The following ZNF516 variants were observed in gnomAD, a reference collection of about 807,000 sequenced individuals.
ZNF516 encodes the protein zinc finger protein 516.
ZNF516 carries 19 observed loss-of-function variants against 79.7 expected under a neutral mutation model. That is an observed-to-expected ratio of 0.24 (90% CI 0.17 to 0.35). The LOEUF (loss-of-function observed/expected upper bound fraction) is 0.35, where lower values mean the gene tolerates loss of function less well. Among genes scored for constraint, ZNF516 ranks in the 10% least tolerant of loss-of-function variants. ZNF516 has a pLI of 1.00. For missense variants in ZNF516, 1,678 were observed against 1,679.5 expected, an observed-to-expected ratio of 1.00 and a Z score of 0.02; for synonymous variants, 877 against 739.5, an observed-to-expected ratio of 1.19 and a Z score of -3.02.
In ZNF516 at chr18:76,495,228, G is replaced by A. The variant is rs927424050; in HGVS notation, c.-356C>T. Reference sequence around the variant, plus strand: ...TGAAGCCGAGCGCCCGCGGCGCGGAGCCGAGCGCTGCACTAGACCGACCGC... The same window carrying A: ...TGAAGCCGAGCGCCCGCGGCGCGGAACCGAGCGCTGCACTAGACCGACCGC... On this transcript the variant is annotated 5_prime_UTR_variant, in exon 1 of 7. Transcript: ENST00000443185. 1.4e-5 allele frequency: 2 copies of A among 147,360 alleles called. No individual in the cohort carries two copies. The highest frequency in any genetic ancestry group is 2.5e-5 in the African/African-American group (1 of 40,788). 9.1% of individuals were successfully genotyped at this position (147,360 alleles called of 1,614,324 possible).
At chr18:76,389,989 A>C (rs140352778) in intron 3 of ZNF516, among the ~76,000 whole-genome samples, 2 of 152,322 alleles carry the variant, frequency 1.3e-5, no homozygotes, top group African/African-American at 4.8e-5. Flanking sequence ...GTTCACGCTT[A>C]TTATAGCAAT....
At chr18:76,422,316 G>A (rs1469362134) in intron 3 of ZNF516, among the ~76,000 whole-genome samples, 2 of 152,218 alleles carry the variant, frequency 1.3e-5, no homozygotes, top group African/African-American at 2.4e-5. Context: ...CCTGCACTGC[G>A]GCAGTAAGAA....
intron 3 of ZNF516, among the ~76,000 whole-genome samples, chr18:76,407,336 G>A (rs576592423): frequency 6.6e-6 from 1 of 152,144 alleles, no homozygotes; most frequent in Admixed American, 6.5e-5. Context: ...GAGGTGAGAG[G>A]AACCCTTGAG....
intron 3 of ZNF516, among the ~76,000 whole-genome samples, chr18:76,436,994 G>C (rs1223099768): frequency 6.6e-6 from 1 of 151,924 alleles, no homozygotes; most frequent in African/African-American, 2.4e-5. Flanking sequence ...TTGAGCCCGG[G>C]AGGCGGAGGT....
intron 3 of ZNF516, 105 bp from the exon 4 acceptor site, chr18:76,380,408 G>A: frequency 6.9e-7 from 1 of 1,444,048 alleles, no homozygotes; most frequent in East Asian, 2.4e-5. Context: ...TCTGTCTTCA[G>A]CGGGAGAAGC....
intron 4 of ZNF516, chr18:76,373,043 A>T (rs190646722): frequency 5.2e-5 from 8 of 152,652 alleles, no homozygotes; most frequent in African/African-American, 1.9e-4. Context: ...CTAGCTACTC[A>T]GGAGGCTGAG....
chr18:76,434,462 G>C (rs899161817), intron 3 of ZNF516, among the ~76,000 whole-genome samples: 1 of 152,192 alleles, frequency 6.6e-6, no homozygotes, highest in South Asian at 2.1e-4. Flanking sequence ...CATCCAATAA[G>C]AATCTGTAAA....
intron 6 of ZNF516, among the ~76,000 whole-genome samples, chr18:76,366,979 T>C (rs180827534): frequency 4.6e-5 from 7 of 152,352 alleles, no homozygotes. Flanking sequence ...TGTTGACAGC[T>C]ATTAGATACA....
At position 76,362,565 on chromosome 18, in the gene ZNF516, A is replaced by T. The variant is rs754488687; in HGVS notation, c.3433-8T>A. ...GTTAGAATGGTCTCTCCCCTGGGTG[A>T]GAAAAAGGAAAGAACAGGAGAAAAG... On this transcript the variant is annotated splice_polypyrimidine_tract_variant and splice_region_variant and intron_variant, in intron 6 of 6. Transcript: ENST00000443185. 6.2e-7 allele frequency: 1 copy of T among 1,606,812 alleles called. No individual in the cohort carries two copies.
chr18:76,363,123 C>T (rs761305973), intron 6 of ZNF516, among the ~76,000 whole-genome samples: 16 of 152,156 alleles, frequency 1.1e-4, no homozygotes, highest in Non-Finnish European at 1.6e-4. Context: ...AAGTGAACTG[C>T]GAGAGAAAAC....
At chr18:76,492,350 C>T in intron 1 of ZNF516, 2 of 985,420 alleles carry the variant, frequency 2.0e-6, no homozygotes, top group Non-Finnish European at 2.4e-6. Flanking sequence ...CAGCTGCAAG[C>T]GTGGGGTGGC....
At chr18:76,417,617 G>A (rs1161109729) in intron 3 of ZNF516, among the ~76,000 whole-genome samples, 1 of 152,104 alleles carries the variant, frequency 6.6e-6, no homozygotes, top group Non-Finnish European at 1.5e-5. Context: ...TGAAAGCCAA[G>A]AAGTAATAAA....
chr18:76,405,018 C>A (rs1404343128), intron 3 of ZNF516, among the ~76,000 whole-genome samples: 1 of 152,178 alleles, frequency 6.6e-6, no homozygotes, highest in Non-Finnish European at 1.5e-5. Context: ...CAGTACCCTG[C>A]CCTTTGCTCC....
chr18:76,454,030 CCT>C, intron 2 of ZNF516, among the ~76,000 whole-genome samples: 1 of 152,306 alleles, frequency 6.6e-6, no homozygotes, highest in East Asian at 1.9e-4. Flanking sequence ...TTCTCTTGTC[CCT>C]CTGTGCTTTT....
intron 1 of ZNF516, among the ~76,000 whole-genome samples, chr18:76,494,636 T>G (rs1888646474): frequency 1.3e-5 from 2 of 151,894 alleles, no homozygotes; most frequent in South Asian, 4.2e-4. Flanking sequence ...CAGGCATCGA[T>G]CCCATCCGCC....
At chr18:76,470,424 GC>G (rs926263767) in intron 1 of ZNF516, among the ~76,000 whole-genome samples, 4 of 152,240 alleles carry the variant, frequency 2.6e-5, no homozygotes, top group Admixed American at 2.6e-4. Flanking sequence ...GAAATTCCAA[GC>G]TGAAGTGATC....
In ZNF516 at chr18:76,428,896, G is replaced by C. The variant is rs1301988663; in HGVS notation, c.1810+12349C>G. 2.0e-5 allele frequency among the ~76,000 whole-genome samples: 3 copies of C among 152,352 alleles called. No individual in the cohort carries two copies. In the East Asian group the frequency reaches 5.8e-4, roughly 29 times the overall value. On this transcript the variant is annotated intron_variant, in intron 3 of 6. Transcript: ENST00000443185. ...AGGATGAGCAGAACTCTAAAACCAG[G>C]AGCCTAGCATGGGTCTAGCCCAGGA...
chr18:76,370,379 G>A (rs748330071), intron 6 of ZNF516, 149 bp downstream of exon 6: 14 of 763,606 alleles, frequency 1.8e-5, no homozygotes, highest in Non-Finnish European at 2.8e-5. Context: ...GGCCCCGAAG[G>A]GTCAGGTTCC....
chr18:76,364,460 A>T (rs557087837), intron 6 of ZNF516, among the ~76,000 whole-genome samples: 1 of 152,322 alleles, frequency 6.6e-6, no homozygotes, highest in South Asian at 2.1e-4. Context: ...AGTAGTCAAA[A>T]CATGAGAAGC....
Sources: gnomAD v4.1 joint callset for allele counts (sites outside exome capture counted in the v4.1 genomes callset) on GRCh38, gnomAD v4.1.1 for gene constraint, MANE v1.5 for transcripts, NCBI Gene and HGNC (gene_info 2026-07-23, HGNC 2026-07-21) for gene names.